Variants in PROM1 observed in about 807,000 individuals in gnomAD.
PROM1 encodes prominin-1.
A neutral mutation model predicts 116.9 loss-of-function variants in PROM1; 105 were observed. The observed-to-expected ratio is 0.90, with a 90% confidence interval of 0.77 to 1.06. PROM1 has a LOEUF of 1.06. Among genes scored for constraint, PROM1 ranks in the 50% least tolerant of loss-of-function variants. The pLI, the probability that PROM1 is intolerant of heterozygous loss-of-function variation, is 0.00. For synonymous variants in PROM1, 393 were observed against 387.0 expected (o/e 1.02, Z -0.18); for missense variants, 1,122 against 1,045.2 (o/e 1.07, Z -1.01).
intron 2 of PROM1, among the ~76,000 whole-genome samples, chr4:16,046,872 C>A (rs940676322): frequency 6.6e-6 from 1 of 152,154 alleles, no homozygotes; most frequent in African/African-American, 2.4e-5. Context: ...TCTTCGGTGA[C>A]TAGAATAGGC....
chr4:16,077,807 T>C (rs1383767915), intron 1 of PROM1, among the ~76,000 whole-genome samples: 3 of 152,184 alleles, frequency 2.0e-5, no homozygotes, highest in Non-Finnish European at 4.4e-5. Context: ...CAAGTGTGTG[T>C]TGTTCTCTTT....
intron 2 of PROM1, chr4:16,055,399 G>A (rs764660053): frequency 4.4e-6 from 2 of 456,228 alleles, no homozygotes; most frequent in Non-Finnish European, 8.8e-6. Context: ...TCATTTGGCT[G>A]CAGGGTCTTA....
intron 2 of PROM1, among the ~76,000 whole-genome samples, chr4:16,055,619 G>C (rs1738815110): frequency 6.6e-6 from 1 of 152,142 alleles, no homozygotes. Context: ...AAAAGACTAA[G>C]ACTCTGCTAC....
chr4:15,993,173 A>G (rs1434306505), intron 16 of PROM1, among the ~76,000 whole-genome samples: 1 of 152,242 alleles, frequency 6.6e-6, no homozygotes, highest in Non-Finnish European at 1.5e-5. Context: ...TCAAGCCATC[A>G]TGGCCTCATG....
chr4:16,015,345 C>CAAAAAAAAAAA (rs71649934), intron 10 of PROM1, among the ~76,000 whole-genome samples: 2 of 51,540 alleles, frequency 3.9e-5, no homozygotes, highest in African/African-American at 8.4e-5. Context: ...GACTCCATCT[C>CAAAAAAAAAAA]AAAAAAAAAA....
chr4:16,065,208 T>C (rs1351542905), intron 2 of PROM1, among the ~76,000 whole-genome samples: 2 of 152,168 alleles, frequency 1.3e-5, no homozygotes, highest in Non-Finnish European at 2.9e-5. Flanking sequence ...CTGCATGCCA[T>C]ATGCCTCCAA....
chr4:16,071,814 A>C (rs1742883278), intron 2 of PROM1, among the ~76,000 whole-genome samples: 1 of 152,184 alleles, frequency 6.6e-6, no homozygotes. Flanking sequence ...AACTGAATGG[A>C]GTAGGACACT....
Position 15,986,008 on chromosome 4 carries a change from C to A in PROM1, c.2160G>T (p.Leu720=). 6.3e-7 allele frequency: 1 copy of A among 1,580,848 alleles called. No homozygotes were observed. Among genetic ancestry groups the A allele is most frequent in the Non-Finnish European group, 8.6e-7 (1 of 1,158,230 alleles). The change falls in exon 21 of 28, where the codon CTG becomes CTT. Residue 720 remains leucine (L), a synonymous_variant. Transcript: ENST00000447510. ...LERVTRILAS[L]DFAQNFITNN... ...TTGTGATGAAGTTCTGAGCAAAATC[C>A]AGAGAAGCTAGAATCCTAGTTACTC... is the stretch of plus-strand genomic sequence containing the variant.
chr4:15,984,627 C>T (rs1182481830), intron 22 of PROM1, among the ~76,000 whole-genome samples: 1 of 152,168 alleles, frequency 6.6e-6, no homozygotes, highest in Non-Finnish European at 1.5e-5. Flanking sequence ...ATGTTACTGC[C>T]TGAGCTCCAC....
intron 5 of PROM1, among the ~76,000 whole-genome samples, chr4:16,028,689 AT>A (rs33988041): frequency 0.26 from 39,320 of 152,108 alleles, 5,560 homozygotes; most frequent in East Asian, 0.47. Context: ...CCTCCAGTCA[AT>A]TATTAGAATA....
chr4:16,037,549 G>C (rs62290173), intron 3 of PROM1, among the ~76,000 whole-genome samples: 1 of 152,136 alleles, frequency 6.6e-6, no homozygotes, highest in African/African-American at 2.4e-5. Flanking sequence ...GGGCAAAAGG[G>C]AACTGCCTTC....
chr4:16,068,622 T>A lies in PROM1; in HGVS notation c.220+7065A>T, dbSNP rs999590047. 2.0e-5 allele frequency among the ~76,000 whole-genome samples: 3 copies of A among 152,226 alleles called. No individual in the cohort carries two copies. In the East Asian group the frequency reaches 5.8e-4, roughly 29 times the overall value. ...GGCTCTGCTGGACTCACTGCGACAT[T>A]TATTCAATTTTGTGGAATAAAGTGT... On this transcript the variant is annotated intron_variant, in intron 2 of 27. Transcript: ENST00000447510.
chr4:16,077,488 G>A (rs1744204186), intron 1 of PROM1, among the ~76,000 whole-genome samples: 1 of 152,116 alleles, frequency 6.6e-6, no homozygotes, highest in African/African-American at 2.4e-5. Flanking sequence ...AGGCCAGGAT[G>A]GATCCTCCGT....
At chr4:16,037,612 C>T (rs545565192) in intron 3 of PROM1, among the ~76,000 whole-genome samples, 3 of 152,304 alleles carry the variant, frequency 2.0e-5, no homozygotes, top group East Asian at 1.9e-4. Flanking sequence ...CAGTAAAAAA[C>T]GTCCACCTAT....
chr4:15,983,079 G>A (rs959970373), intron 23 of PROM1, among the ~76,000 whole-genome samples: 2 of 152,154 alleles, frequency 1.3e-5, no homozygotes, highest in Non-Finnish European at 2.9e-5. Flanking sequence ...AGAGTGTGCT[G>A]GAGAGACAGG....
At chr4:15,981,218 C>T (rs570627628) in intron 23 of PROM1, among the ~76,000 whole-genome samples, 13 of 150,566 alleles carry the variant, frequency 8.6e-5, no homozygotes, top group South Asian at 4.2e-4. Context: ...ACCTCGGCCT[C>T]CCAAAGTGCT....
intron 13 of PROM1, among the ~76,000 whole-genome samples, chr4:16,004,092 G>A (rs992009699): frequency 1.3e-5 from 2 of 152,202 alleles, no homozygotes; most frequent in African/African-American, 2.4e-5. Context: ...GATGACGCTT[G>A]TATCATCTCC....
At chr4:15,976,121 A>G (rs1716060879) in intron 26 of PROM1, 1 of 450,564 alleles carries the variant, frequency 2.2e-6, no homozygotes, top group African/African-American at 2.0e-5. Flanking sequence ...AAGCAGAATG[A>G]CCACAGAATC....
chr4:16,065,589 T>C (rs1578285123), intron 2 of PROM1, among the ~76,000 whole-genome samples: 1 of 152,172 alleles, frequency 6.6e-6, no homozygotes, highest in South Asian at 2.1e-4. Context: ...GTCAACACCA[T>C]CTGCCAAACA....
Sources: gnomAD v4.1 joint callset for allele counts (sites outside exome capture counted in the v4.1 genomes callset) on GRCh38, gnomAD v4.1.1 for gene constraint, MANE v1.5 for transcripts, NCBI Gene and HGNC (gene_info 2026-07-23, HGNC 2026-07-21) for gene names.